Variants in CCBE1 observed in about 807,000 individuals in gnomAD.
The protein encoded by CCBE1 is collagen and calcium binding EGF domains 1, also known as collagen and calcium-binding EGF domain-containing protein 1.
Under a neutral mutation model 50.0 loss-of-function variants are expected in CCBE1, and 37 were observed. That is an observed-to-expected ratio of 0.74 (90% CI 0.57 to 0.97). CCBE1 has a LOEUF of 0.97. Ranked by LOEUF, CCBE1 falls within the 50% of genes least tolerant of loss-of-function variation. The probability of loss-of-function intolerance (pLI) is 0.00; values close to 1 mark genes in which losing one functional copy is unlikely to be tolerated. For missense variants in CCBE1, 538 were observed against 523.8 expected (o/e 1.03, Z -0.26); for synonymous variants, 234 against 203.7 (o/e 1.15, Z -1.27).
At chr18:59,475,071 T>G (rs1912242160) in intron 3 of CCBE1, among the ~76,000 whole-genome samples, 1 of 152,214 alleles carries the variant, frequency 6.6e-6, no homozygotes, top group Non-Finnish European at 1.5e-5. Flanking sequence ...ATTTATTCAG[T>G]CCTCCATTTT....
chr18:59,528,434 C>T (rs999076295), intron 2 of CCBE1, among the ~76,000 whole-genome samples: 1 of 152,144 alleles, frequency 6.6e-6, no homozygotes, highest in African/African-American at 2.4e-5. Flanking sequence ...CAGTGAAGTT[C>T]GTTATTACCC....
At chr18:59,692,918 T>G (rs1167560458) in intron 2 of CCBE1, among the ~76,000 whole-genome samples, 1 of 145,172 alleles carries the variant, frequency 6.9e-6, no homozygotes, top group African/African-American at 2.6e-5. Flanking sequence ...TAAAAAGCAT[T>G]TAACACACAG....
Position 59,435,168 on chromosome 18 carries a change from C to T in CCBE1, c.*740G>A, listed in dbSNP as rs1234970342. ...TGTTTTTTTGAAAAGAGAGTTTAAT[C>T]TTCTTCCCTAAATAGGATACTTACA... On this transcript the variant is annotated 3_prime_UTR_variant, in exon 11 of 11. Coordinates refer to ENST00000439986, the MANE Select transcript of CCBE1 (RefSeq NM_133459.4). The T allele has an allele frequency of 6.6e-6, 1 of 152,190 alleles. No individual in the cohort carries two copies. Among genetic ancestry groups the T allele is most frequent in the Non-Finnish European group, 1.5e-5 (1 of 68,028 alleles). The allele number at this position is 152,190 out of a possible 1,614,324, so 9.4% of individuals were successfully genotyped here.
rs80212251 is a variant in CCBE1 at position 59,538,008 on chromosome 18, T to C, written c.213-57770A>G. Among the ~76,000 whole-genome samples the C allele has an allele frequency of 8.5e-3, 1,302 of 152,298 alleles. 6 individuals are homozygous for C. Among genetic ancestry groups the C allele is most frequent in the Non-Finnish European group, 0.012 (792 of 68,026 alleles). On this transcript the variant is annotated intron_variant, in intron 2 of 10. Transcript: ENST00000439986. ...ACATAGTAAATGAAAAATCTATTTTTTGGAATATGCTTAAAAACAGGCTAC... is the reference window on the plus strand; with the variant it reads ...ACATAGTAAATGAAAAATCTATTTTCTGGAATATGCTTAAAAACAGGCTAC...
At chr18:59,696,485 C>A in intron 2 of CCBE1, 144 bp downstream of exon 2, 1 of 1,522,008 alleles carries the variant, frequency 6.6e-7, no homozygotes. Flanking sequence ...CAAAGATTCG[C>A]ACCGCGCGGC....
At chr18:59,666,898 G>A (rs2054365520) in intron 2 of CCBE1, among the ~76,000 whole-genome samples, 1 of 152,196 alleles carries the variant, frequency 6.6e-6, no homozygotes, top group Admixed American at 6.5e-5. Context: ...CTGGGAGGCG[G>A]AGGTTGCAGT....
intron 5 of CCBE1, among the ~76,000 whole-genome samples, chr18:59,459,928 A>G (rs1911380096): frequency 6.6e-6 from 1 of 152,204 alleles, no homozygotes; most frequent in African/African-American, 2.4e-5. Flanking sequence ...AAGTAATATG[A>G]AACACCTGGC....
intron 2 of CCBE1, among the ~76,000 whole-genome samples, chr18:59,658,362 T>A (rs3966074): frequency 0.2 from 399 of 2,042 alleles, 69 homozygotes; most frequent in East Asian, 0.48. Context: ...AAAATATATA[T>A]ATATATATAT....
At chr18:59,467,771 C>T (rs1204389686) in intron 4 of CCBE1, among the ~76,000 whole-genome samples, 1 of 152,154 alleles carries the variant, frequency 6.6e-6, no homozygotes, top group East Asian at 1.9e-4. Context: ...ACAGGCCAGC[C>T]CTGAACTTGA....
At chr18:59,596,028 T>C (rs532194450) in intron 2 of CCBE1, among the ~76,000 whole-genome samples, 69 of 152,376 alleles carry the variant, frequency 4.5e-4, no homozygotes, top group Middle Eastern at 3.4e-3. Context: ...GTAGTGCCTA[T>C]TGTCTAGGAC....
intron 2 of CCBE1, among the ~76,000 whole-genome samples, chr18:59,656,647 C>T (rs17066126): frequency 0.049 from 7,447 of 152,178 alleles, 408 homozygotes; most frequent in African/African-American, 0.13. Flanking sequence ...GTGCATCTAG[C>T]GGGCAATTGG....
intron 2 of CCBE1, among the ~76,000 whole-genome samples, chr18:59,683,958 C>CA (rs982443974): frequency 6.6e-6 from 1 of 151,948 alleles, no homozygotes; most frequent in African/African-American, 2.4e-5. Context: ...AGCAGGGTAG[C>CA]AGCTGGACCA....
intron 2 of CCBE1, among the ~76,000 whole-genome samples, chr18:59,600,482 C>A (rs928516871): frequency 6.6e-6 from 1 of 152,066 alleles, no homozygotes; most frequent in Non-Finnish European, 1.5e-5. Context: ...CAAACCATCC[C>A]CCACCTCTGG....
At chr18:59,652,949 G>T (rs2054145005) in intron 2 of CCBE1, among the ~76,000 whole-genome samples, 1 of 133,640 alleles carries the variant, frequency 7.5e-6, no homozygotes, top group Non-Finnish European at 1.6e-5. Context: ...GGGAAACAAA[G>T]TGAGACTCCG....
chr18:59,665,916 A>G (rs1417270455), intron 2 of CCBE1, among the ~76,000 whole-genome samples: 1 of 152,214 alleles, frequency 6.6e-6, no homozygotes, highest in Non-Finnish European at 1.5e-5. Flanking sequence ...TGTATAGAAT[A>G]TATCATGTAC....
At chr18:59,526,884 G>T (rs1431574626) in intron 2 of CCBE1, among the ~76,000 whole-genome samples, 1 of 152,134 alleles carries the variant, frequency 6.6e-6, no homozygotes, top group African/African-American at 2.4e-5. Flanking sequence ...ATGTTTTTAT[G>T]ATTTCAGTTC....
At position 59,466,773 on chromosome 18, in the gene CCBE1, T is replaced by A; in HGVS notation, c.519A>T (p.Thr173=). 6.2e-7 allele frequency: 1 copy of A among 1,613,676 alleles called. No individual in the cohort carries two copies. Among genetic ancestry groups the A allele is most frequent in the Admixed American group, 1.7e-5 (1 of 60,016 alleles). ...TGGGATATTTGTCTCCCCTGGTACA[T>A]GTCTTCCCATCATCTTCCCGGATGT... The part of the protein sequence containing the change: ...EGYIREDDGK[T]CTRGDKYPND... The change falls in exon 5 of 11, where the codon ACA becomes ACT. Residue 173 remains threonine (T), a synonymous_variant. Transcript: ENST00000439986.
intron 2 of CCBE1, among the ~76,000 whole-genome samples, chr18:59,510,526 A>G (rs1056614809): frequency 4.3e-4 from 65 of 151,950 alleles, no homozygotes; most frequent in African/African-American, 1.6e-3. Context: ...GGTTCAAGTG[A>G]TTCTCCTGTC....
At chr18:59,528,984 G>A (rs990161217) in intron 2 of CCBE1, among the ~76,000 whole-genome samples, 1 of 152,238 alleles carries the variant, frequency 6.6e-6, no homozygotes, top group Non-Finnish European at 1.5e-5. Flanking sequence ...CACTCTGGCT[G>A]CCTCTTGGCG....
Sources: allele counts gnomAD v4.1 joint callset (sites outside exome capture counted in the v4.1 genomes callset), GRCh38; gene constraint gnomAD v4.1.1; transcripts MANE v1.5; gene names NCBI Gene and HGNC (gene_info 2026-07-23, HGNC 2026-07-21).